AJAP1: variants seen among roughly 807,000 people sequenced by gnomAD.
AJAP1 encodes adherens junctions associated protein 1.
AJAP1 carries 5 observed loss-of-function variants against 35.0 expected under a neutral mutation model. The ratio of observed to expected loss-of-function variants is 0.14; its 90% CI spans 0.07 to 0.30. The LOEUF (loss-of-function observed/expected upper bound fraction) is 0.30. Among genes scored for constraint, AJAP1 ranks in the 10% least tolerant of loss-of-function variants. AJAP1 has a pLI of 1.00. For synonymous variants in AJAP1, 284 were observed against 249.3 expected (o/e 1.14, Z -1.31); for missense variants, 586 against 571.0 (o/e 1.03, Z -0.27).
intron 5 of AJAP1, among the ~76,000 whole-genome samples, chr1:4,779,989 AC>A: frequency 6.6e-6 from 1 of 152,082 alleles, no homozygotes; most frequent in East Asian, 1.9e-4. Flanking sequence ...TACTAAAAAT[AC>A]AAAAATTAGA....
At chr1:4,695,165 C>T (rs1178547659) in intron 1 of AJAP1, among the ~76,000 whole-genome samples, 1 of 152,044 alleles carries the variant, frequency 6.6e-6, no homozygotes, top group African/African-American at 2.4e-5. Flanking sequence ...AGGGAGTGGC[C>T]ATGTAGGGAC....
chr1:4,703,096 C>T (rs960192596), intron 1 of AJAP1, among the ~76,000 whole-genome samples: 5 of 152,312 alleles, frequency 3.3e-5, no homozygotes, highest in Admixed American at 2.6e-4. Context: ...CACCCTGGAG[C>T]TCCCTTCCAA....
chr1:4,727,347 GC>G lies in AJAP1; in HGVS notation c.829+14651del, dbSNP rs568020636. Among the ~76,000 whole-genome samples the G allele has an allele frequency of 1.8e-3, 270 of 152,312 alleles. 2 individuals are homozygous for G. Among genetic ancestry groups the G allele is most frequent in the African/African-American group, 6.1e-3 (253 of 41,570 alleles). On this transcript the variant is annotated intron_variant, in intron 2 of 5. Transcript: ENST00000378191. Reference sequence around the variant, plus strand: ...CCTTCCCTGTGTTTCAGGGGTCCCAGCCCATTGCGTTTGCCTCCAGCCCTCT... The same window carrying G: ...CCTTCCCTGTGTTTCAGGGGTCCCAGCCATTGCGTTTGCCTCCAGCCCTCT...
chr1:4,781,306 G>A (rs751752006), intron 5 of AJAP1, among the ~76,000 whole-genome samples: 1 of 152,180 alleles, frequency 6.6e-6, no homozygotes, highest in African/African-American at 2.4e-5. Context: ...GGAAGAACTG[G>A]GGAATGGACC....
intron 2 of AJAP1, among the ~76,000 whole-genome samples, chr1:4,741,182 C>T (rs1641061178): frequency 6.6e-6 from 1 of 152,066 alleles, no homozygotes; most frequent in Non-Finnish European, 1.5e-5. Context: ...GAGAGTGAGC[C>T]CAGGGTCTTG....
intron 1 of AJAP1, among the ~76,000 whole-genome samples, chr1:4,662,596 C>G (rs1267932029): frequency 6.6e-6 from 1 of 152,142 alleles, no homozygotes; most frequent in Non-Finnish European, 1.5e-5. Context: ...CCACGTTATA[C>G]TTTATAACCA....
chr1:4,790,258 C>T lies in AJAP1; in HGVS notation c.*7773C>T, dbSNP rs971572659. ...GCAGTCTATTCTGGGGTGGAAACAC[C>T]ATTCTCTATTATTTCTCTCACATAC... On this transcript the variant is annotated 3_prime_UTR_variant, in exon 6 of 6. Transcript: ENST00000378191. 6.6e-6 allele frequency: 1 copy of T among 152,236 alleles called. No homozygotes were observed. Among genetic ancestry groups the T allele is most frequent in the African/African-American group, 2.4e-5 (1 of 41,460 alleles). The allele number at this position is 152,236 out of a possible 1,614,324, so 9.4% of individuals were successfully genotyped here. A position where few individuals can be genotyped will look rare whatever the true frequency, so the allele number is the denominator to read the frequency against.
chr1:4,744,602 T>G (rs1325059236), intron 2 of AJAP1, among the ~76,000 whole-genome samples: 1 of 148,290 alleles, frequency 6.7e-6, no homozygotes, highest in African/African-American at 2.5e-5. Flanking sequence ...CACATGCACA[T>G]GCACACATGC....
At chr1:4,768,427 G>A (rs558546963) in intron 2 of AJAP1, among the ~76,000 whole-genome samples, 4 of 152,352 alleles carry the variant, frequency 2.6e-5, no homozygotes, top group Middle Eastern at 3.4e-3. Flanking sequence ...TTCTGGCTGT[G>A]CCAATGTTTA....
chr1:4,709,738 G>A (rs1640183890), intron 1 of AJAP1, among the ~76,000 whole-genome samples: 1 of 152,218 alleles, frequency 6.6e-6, no homozygotes, highest in Non-Finnish European at 1.5e-5. Flanking sequence ...TGCTAGTGCA[G>A]AGAAATTGCA....
At position 4,663,057 on chromosome 1, in the gene AJAP1, G is replaced by C. The variant is rs902312943; in HGVS notation, c.29+7603G>C. On this transcript the variant is annotated intron_variant, in intron 1 of 5. Transcript: ENST00000378191. ...GCAGCCGTGCCTCCCCCTTCCCAGG[G>C]GGGCAGTGGGGCCAGTTTGGGGAAA... 3.9e-5 allele frequency among the ~76,000 whole-genome samples: 6 copies of C among 152,306 alleles called. No individual in the cohort carries two copies. In the South Asian group the frequency reaches 1.2e-3, roughly 32 times the overall value.
At chr1:4,755,122 G>A (rs1641399771) in intron 2 of AJAP1, among the ~76,000 whole-genome samples, 2 of 152,224 alleles carry the variant, frequency 1.3e-5, no homozygotes, top group African/African-American at 4.8e-5. Context: ...TGGGAGAAGG[G>A]GCACCAGGTG....
intron 3 of AJAP1, 94 bp downstream of exon 3, chr1:4,770,034 C>A: frequency 8.8e-7 from 1 of 1,138,760 alleles, no homozygotes; most frequent in Non-Finnish European, 1.3e-6. Flanking sequence ...TCAAAGCCAG[C>A]CTGTTCTGCT....
At chr1:4,691,343 G>C (rs141441718) in intron 1 of AJAP1, among the ~76,000 whole-genome samples, 1 of 152,320 alleles carries the variant, frequency 6.6e-6, no homozygotes, top group Non-Finnish European at 1.5e-5. Flanking sequence ...CGGGCACACT[G>C]ACCGCCTCCC....
intron 1 of AJAP1, among the ~76,000 whole-genome samples, chr1:4,665,506 C>T (rs1639096220): frequency 6.6e-6 from 1 of 152,222 alleles, no homozygotes; most frequent in Non-Finnish European, 1.5e-5. Context: ...AAGCCTGATG[C>T]TCTGGGAAGA....
At chr1:4,747,782 G>A (rs1641223297) in intron 2 of AJAP1, among the ~76,000 whole-genome samples, 1 of 152,138 alleles carries the variant, frequency 6.6e-6, no homozygotes, top group African/African-American at 2.4e-5. Context: ...GAGGTCAGGA[G>A]TTTAAGACCA....
Position 4,712,314 on chromosome 1 carries a change from G to A in AJAP1, c.444G>A (p.Gln148=). The part of the protein sequence containing the change: ...SSAVAGGAPE[Q]QALLRRGKRH... Reference sequence around the variant, plus strand: ...CGGTGGCCGGTGGGGCCCCGGAGCAGCAGGCCCTCCTGAGGAGGGGCAAGA... The same window carrying A: ...CGGTGGCCGGTGGGGCCCCGGAGCAACAGGCCCTCCTGAGGAGGGGCAAGA... The change falls in exon 2 of 6, where the codon CAG becomes CAA. Residue 148 remains glutamine, a synonymous_variant. Coordinates refer to ENST00000378191, the MANE Select transcript of AJAP1 (RefSeq NM_018836.4). 5.4e-6 allele frequency: 8 copies of A among 1,488,834 alleles called. No individual in the cohort carries two copies. The highest frequency in any genetic ancestry group is 2.4e-5 in the Admixed American group (1 of 41,812). 92.2% of individuals were successfully genotyped at this position (1,488,834 alleles called of 1,614,324 possible).
chr1:4,666,589 G>A (rs35855311), intron 1 of AJAP1, among the ~76,000 whole-genome samples: 3 of 25,740 alleles, frequency 1.2e-4, no homozygotes, highest in East Asian at 1.0e-3. Flanking sequence ...TGCGGAGAGG[G>A]GCCCGTGAAT....
intron 1 of AJAP1, among the ~76,000 whole-genome samples, chr1:4,697,272 T>C (rs115910399): frequency 0.037 from 5,705 of 152,358 alleles, 348 homozygotes; most frequent in African/African-American, 0.13. Flanking sequence ...TATGTGAGTG[T>C]GGCACAGGAT....
Sources: allele counts gnomAD v4.1 joint callset (sites outside exome capture counted in the v4.1 genomes callset), GRCh38; gene constraint gnomAD v4.1.1; transcripts MANE v1.5; gene names NCBI Gene and HGNC (gene_info 2026-07-23, HGNC 2026-07-21).